Variants in NELL2 observed in about 807,000 individuals in gnomAD.
NELL2 encodes neural EGFL like 2.
A neutral mutation model predicts 109.6 loss-of-function variants in NELL2; 41 were observed. The observed-to-expected ratio is 0.37, with a 90% confidence interval of 0.29 to 0.49. The LOEUF is 0.49. Ranked by LOEUF, NELL2 falls within the 20% of genes least tolerant of loss-of-function variation. NELL2 has a pLI of 0.98. For synonymous variants in NELL2, 355 were observed against 344.7 expected, an observed-to-expected ratio of 1.03 and a Z score of -0.33; for missense variants, 900 against 1,008.3, an observed-to-expected ratio of 0.89 and a Z score of 1.45.
chr12:44,704,865 A>T (rs1937774083), intron 11 of NELL2, among the ~76,000 whole-genome samples: 1 of 152,014 alleles, frequency 6.6e-6, no homozygotes, highest in Non-Finnish European at 1.5e-5. Flanking sequence ...CTAAAAATAT[A>T]AAAATTATCT....
At position 44,887,658 on chromosome 12, in the gene NELL2, GT is replaced by G. The variant is rs148468799; in HGVS notation, c.39-11759del. Among the ~76,000 whole-genome samples the G allele has an allele frequency of 9.8e-3, 1,449 of 148,570 alleles. 29 individuals are homozygous for G. The highest frequency in any genetic ancestry group is 0.035 in the African/African-American group (1,359 of 38,714). On this transcript the variant is annotated intron_variant, in intron 1 of 20. Transcript: ENST00000333837. ...TTATTGTGTGTGTGTGTGTGTGTGT[GT>G]TGTTGTTGTTGTTGTTTTTGTTGTT... is the stretch of plus-strand genomic sequence containing the variant.
intron 18 of NELL2, among the ~76,000 whole-genome samples, chr12:44,521,398 C>T (rs375211497): frequency 4.2e-4 from 64 of 150,960 alleles, no homozygotes; most frequent in African/African-American, 1.5e-3. Flanking sequence ...GGCGTAGTGG[C>T]GGGCGCCTGT....
chr12:44,755,450 C>CT (rs978711023), intron 9 of NELL2, among the ~76,000 whole-genome samples: 9 of 151,726 alleles, frequency 5.9e-5, no homozygotes, highest in African/African-American at 2.2e-4. Flanking sequence ...GTCTCTCTCT[C>CT]TGTCACAATG....
At chr12:44,614,286 TTG>T (rs1186544527) in intron 13 of NELL2, among the ~76,000 whole-genome samples, 1 of 151,972 alleles carries the variant, frequency 6.6e-6, no homozygotes, top group African/African-American at 2.4e-5. Flanking sequence ...TAATTATTCG[TTG>T]TGTCTATGAA....
chr12:44,578,727 AT>A (rs927020105), intron 15 of NELL2, among the ~76,000 whole-genome samples: 12 of 152,232 alleles, frequency 7.9e-5, no homozygotes, highest in African/African-American at 2.9e-4. Flanking sequence ...AAAAAGAAAA[AT>A]TTGGAGAGTT....
chr12:44,731,621 A>G (rs1456278355), intron 9 of NELL2, among the ~76,000 whole-genome samples: 1 of 152,118 alleles, frequency 6.6e-6, no homozygotes, highest in Non-Finnish European at 1.5e-5. Flanking sequence ...TCATACATGA[A>G]AAGCCCATAG....
intron 13 of NELL2, among the ~76,000 whole-genome samples, chr12:44,652,094 TA>T (rs1947320187): frequency 6.6e-6 from 1 of 152,164 alleles, no homozygotes; most frequent in Admixed American, 6.5e-5. Flanking sequence ...CATAGGTCAC[TA>T]ATGGATGGCT....
At chr12:44,610,357 G>A (rs1195257368) in intron 14 of NELL2, among the ~76,000 whole-genome samples, 10 of 151,836 alleles carry the variant, frequency 6.6e-5, no homozygotes, top group Non-Finnish European at 8.8e-5. Flanking sequence ...GATGATGTAC[G>A]CATGTTTGGG....
At chr12:44,686,896 G>C (rs977685693) in intron 12 of NELL2, among the ~76,000 whole-genome samples, 4 of 152,166 alleles carry the variant, frequency 2.6e-5, no homozygotes, top group Admixed American at 2.0e-4. Flanking sequence ...CCCAGAGGTG[G>C]AGCCTACAGA....
At chr12:44,783,278 A>G (rs2136607625) in intron 3 of NELL2, among the ~76,000 whole-genome samples, 1 of 151,924 alleles carries the variant, frequency 6.6e-6, no homozygotes, top group East Asian at 1.9e-4. Flanking sequence ...CATATATTAG[A>G]AAAGAAGATA....
At chr12:44,903,110 C>G (rs1945680751) in intron 1 of NELL2, among the ~76,000 whole-genome samples, 1 of 152,110 alleles carries the variant, frequency 6.6e-6, no homozygotes, top group Non-Finnish European at 1.5e-5. Flanking sequence ...AGTGAACAGG[C>G]AATCTACAGA....
intron 15 of NELL2, among the ~76,000 whole-genome samples, chr12:44,578,960 G>A (rs898479751): frequency 6.6e-6 from 1 of 151,976 alleles, no homozygotes; most frequent in African/African-American, 2.4e-5. Flanking sequence ...CATTTCTCAG[G>A]GGCATTCTTT....
rs186608963 is a variant in NELL2 at position 44,643,754 on chromosome 12, C to T, written c.1444+21730G>A. Among the ~76,000 whole-genome samples, 258 of 152,126 alleles carry T rather than the reference C, an allele frequency of 1.7e-3. 2 individuals carry two copies. The highest frequency in any genetic ancestry group is 5.7e-3 in the African/African-American group (235 of 41,508). On this transcript the variant is annotated intron_variant, in intron 13 of 19. Transcript: ENST00000429094. Reference sequence around the variant, plus strand: ...TTCAAAATATGTGTATTTGGTTTCCCCTGAATTTCAGTAGAGTTTCTATGG... The same window carrying T: ...TTCAAAATATGTGTATTTGGTTTCCTCTGAATTTCAGTAGAGTTTCTATGG...
chr12:44,707,185 C>T (rs1937932068), intron 11 of NELL2, among the ~76,000 whole-genome samples: 1 of 152,174 alleles, frequency 6.6e-6, no homozygotes, highest in Admixed American at 6.6e-5. Flanking sequence ...GATAGAGTCA[C>T]ACCAGCCAAT....
chr12:44,888,608 C>G (rs894222395), intron 1 of NELL2, among the ~76,000 whole-genome samples: 2 of 151,616 alleles, frequency 1.3e-5, no homozygotes, highest in African/African-American at 4.9e-5. Flanking sequence ...AGCAATATAT[C>G]AAACTGGGAA....
intron 12 of NELL2, among the ~76,000 whole-genome samples, chr12:44,676,453 G>A (rs1301843526): frequency 6.6e-6 from 1 of 152,044 alleles, no homozygotes; most frequent in African/African-American, 2.4e-5. Context: ...TAAAGTCAGT[G>A]GCATTAATGA....
At chr12:44,907,235 A>C (rs1945729783) in intron 1 of NELL2, among the ~76,000 whole-genome samples, 1 of 152,122 alleles carries the variant, frequency 6.6e-6, no homozygotes, top group South Asian at 2.1e-4. Context: ...TCTTCATAGC[A>C]GCATGAGAAT....
intron 12 of NELL2, among the ~76,000 whole-genome samples, chr12:44,692,486 G>C (rs1332847600): frequency 6.6e-6 from 1 of 152,098 alleles, no homozygotes; most frequent in South Asian, 2.1e-4. Flanking sequence ...GAATCAAGGA[G>C]TCATTTAGAC....
intron 2 of NELL2, among the ~76,000 whole-genome samples, chr12:44,842,812 CA>C (rs1183580728): frequency 2.0e-5 from 3 of 151,588 alleles, no homozygotes; most frequent in African/African-American, 7.3e-5. Context: ...CAAACAGACA[CA>C]CAGAGACAGA....
Sources: gnomAD v4.1 joint callset for allele counts (sites outside exome capture counted in the v4.1 genomes callset) on GRCh38, gnomAD v4.1.1 for gene constraint, MANE v1.5 for transcripts, NCBI Gene and HGNC (gene_info 2026-07-23, HGNC 2026-07-21) for gene names.